Variants in KCNC1 observed in about 807,000 individuals in gnomAD.
KCNC1 encodes the protein potassium voltage-gated channel subfamily C member 1.
A neutral mutation model predicts 43.4 loss-of-function variants in KCNC1; 8 were observed. The observed-to-expected ratio is 0.18, with a 90% CI of 0.11 to 0.33. The LOEUF (loss-of-function observed/expected upper bound fraction) is 0.33, where lower values mean the gene tolerates loss of function less well. Among genes scored for constraint, KCNC1 ranks in the 10% least tolerant of loss-of-function variants. The probability of loss-of-function intolerance (pLI) is 1.00; values close to 1 mark genes in which losing one functional copy is unlikely to be tolerated. For synonymous variants in KCNC1, 361 were observed against 360.5 expected (o/e 1.00, Z -0.01); for missense variants, 420 against 836.0 (o/e 0.50, Z 6.14).
Position 17,777,899 on chromosome 11 carries a change from T to C in KCNC1, c.1505-1557T>C, listed in dbSNP as rs531588849. The C allele has an allele frequency of 9.4e-3, 8,920 of 951,444 alleles. 55 individuals carry two copies. Among genetic ancestry groups the C allele is most frequent in the Non-Finnish European group, 0.01 (8,130 of 798,448 alleles). The allele number at this position is 951,444 out of a possible 1,614,324, so 58.9% of individuals were successfully genotyped here. On this transcript the variant is annotated intron_variant, in intron 2 of 3. Coordinates refer to ENST00000265969, the MANE Select transcript of KCNC1 (RefSeq NM_001112741.2). This position sits in a 1 kb window ranked among gnomAD's most constrained non-coding sequence, Gnocchi z 4.3. Reference sequence around the variant, plus strand: ...ATCCCACCCACGTGCACGCCCAGCGTGTGCACGTGGGGAAGGATCACTTCT... The same window carrying C: ...ATCCCACCCACGTGCACGCCCAGCGCGTGCACGTGGGGAAGGATCACTTCT...
Position 17,736,256 on chromosome 11 carries a change from C to G in KCNC1, c.254C>G (p.Pro85Arg). 1 of 1,613,782 alleles carries G rather than the reference C, an allele frequency of 6.2e-7. No homozygotes were observed. Among genetic ancestry groups the G allele is most frequent in the Non-Finnish European group, 8.5e-7 (1 of 1,179,900 alleles). ...CACTGCCCAGCCGACGTGTGCGGGCCGCTCTACGAGGAGGAGCTGGCCTTC... is the reference window on the plus strand; with the variant it reads ...CACTGCCCAGCCGACGTGTGCGGGCGGCTCTACGAGGAGGAGCTGGCCTTC... Reference protein sequence around the residue: ...KLHCPADVCGPLYEEELAFWG... With the variant: ...KLHCPADVCGRLYEEELAFWG... The change falls in exon 1 of 4, where the codon CCG becomes CGG. Residue 85 changes from proline to arginine, a missense_variant. Physicochemically the swap from Pro to Arg is moderately radical, Grantham distance 103. Transcript: ENST00000265969. This position sits in a 1 kb window ranked among gnomAD's most constrained non-coding sequence, Gnocchi z 9.3.
rs1461941818 is a variant in KCNC1 at position 17,781,635 on chromosome 11, G to C, written c.1694-35G>C. 3 of 1,442,766 alleles carry C rather than the reference G, an allele frequency of 2.1e-6. No individual in the cohort carries two copies. The highest frequency in any genetic ancestry group is 2.9e-6 in the Non-Finnish European group (3 of 1,048,852). 89.4% of individuals were successfully genotyped at this position (1,442,766 alleles called of 1,614,324 possible). On this transcript the variant is annotated intron_variant, in intron 3 of 3. Transcript: ENST00000265969. This position sits in a 1 kb window ranked among gnomAD's most constrained non-coding sequence, Gnocchi z 5.1. ...AAGCGGGATGGGAGAGCCAAGAAGA[G>C]AAGCTCAAGTGTTAATTGTATTCTT...
At position 17,735,939 on chromosome 11, in the gene KCNC1, A is replaced by T; in HGVS notation, c.-64A>T. On this transcript the variant is annotated 5_prime_UTR_variant, in exon 1 of 4. Transcript: ENST00000265969. The surrounding 1 kb of genome is among the most constrained non-coding windows in gnomAD (Gnocchi z 6.7). Reference sequence around the variant, plus strand: ...GCGCGCGCCCCCCTCCCCGGCGCCAACTCCCCCTGGCGGCCGCTCCCATGG... The same window carrying T: ...GCGCGCGCCCCCCTCCCCGGCGCCATCTCCCCCTGGCGGCCGCTCCCATGG... 1 of 1,377,588 alleles carries T rather than the reference A, an allele frequency of 7.3e-7. No individual in the cohort carries two copies. Among genetic ancestry groups the T allele is most frequent in the South Asian group, 1.7e-5 (1 of 59,426 alleles). 85.3% of individuals were successfully genotyped at this position (1,377,588 alleles called of 1,614,324 possible).
intron 2 of KCNC1, chr11:17,775,194 G>C: frequency 1.0e-6 from 1 of 985,628 alleles, no homozygotes; most frequent in Non-Finnish European, 1.2e-6. Flanking sequence ...AGGCAGTCTA[G>C]TGGCCTCGCC....
In KCNC1 at chr11:17,776,484, C is replaced by T; in HGVS notation, c.1505-2972C>T. The T allele has an allele frequency of 1.0e-6, 1 of 985,466 alleles. No homozygotes were observed. The highest frequency in any genetic ancestry group is 1.2e-6 in the Non-Finnish European group (1 of 829,942). 61.0% of individuals were successfully genotyped at this position (985,466 alleles called of 1,614,324 possible). ...GACCAGGGCAGAAAAGCCAGCTGTG[C>T]TGACTGAGGGCCCAGCCTCGGGTTC... On this transcript the variant is annotated intron_variant, in intron 2 of 3. Transcript: ENST00000265969. This position sits in a 1 kb window ranked among gnomAD's most constrained non-coding sequence, Gnocchi z 4.4.
intron 1 of KCNC1, among the ~76,000 whole-genome samples, chr11:17,760,959 A>G (rs1849070965): frequency 6.6e-6 from 1 of 152,232 alleles, no homozygotes; most frequent in South Asian, 2.1e-4. Context: ...TACCAGAGTT[A>G]GGCGGGAAAG....
At chr11:17,767,288 A>G (rs1049880075) in intron 1 of KCNC1, among the ~76,000 whole-genome samples, 19 of 127,448 alleles carry the variant, frequency 1.5e-4, no homozygotes. Context: ...CCGTCTCAAA[A>G]AAAAAAAAAA....
At position 17,777,219 on chromosome 11, in the gene KCNC1, C is replaced by T; in HGVS notation, c.1505-2237C>T. 2.0e-6 allele frequency: 2 copies of T among 985,762 alleles called. No homozygotes were observed. The highest frequency in any genetic ancestry group is 9.4e-5 in the South Asian group (2 of 21,270). 61.1% of individuals were successfully genotyped at this position (985,762 alleles called of 1,614,324 possible). On this transcript the variant is annotated intron_variant, in intron 2 of 3. Transcript: ENST00000265969. The surrounding 1 kb of genome is among the most constrained non-coding windows in gnomAD (Gnocchi z 4.3). ...GCCAGAGAAGGGTCTCAGGCGGCACCATCTCCACAGAGGCAGAGGCAGAGA... is the reference window on the plus strand; with the variant it reads ...GCCAGAGAAGGGTCTCAGGCGGCACTATCTCCACAGAGGCAGAGGCAGAGA...
intron 1 of KCNC1, among the ~76,000 whole-genome samples, chr11:17,744,220 C>T (rs1848873679): frequency 6.6e-6 from 1 of 152,156 alleles, no homozygotes; most frequent in Non-Finnish European, 1.5e-5. Flanking sequence ...CCAACTCTGA[C>T]ATTCTGGGAG....
chr11:17,768,734 C>T (rs757003995), intron 1 of KCNC1, among the ~76,000 whole-genome samples: 1 of 151,978 alleles, frequency 6.6e-6, no homozygotes, highest in Non-Finnish European at 1.5e-5. Context: ...CTCTTGGCAC[C>T]GTTCGGTCAT....
intron 1 of KCNC1, among the ~76,000 whole-genome samples, chr11:17,757,565 G>T (rs1170600329): frequency 4.6e-5 from 7 of 152,170 alleles, no homozygotes; most frequent in African/African-American, 9.7e-5. Context: ...CTGTCTCAGG[G>T]TCACTGCAGA....
At chr11:17,749,996 G>A (rs909432714) in intron 1 of KCNC1, among the ~76,000 whole-genome samples, 2 of 152,248 alleles carry the variant, frequency 1.3e-5, no homozygotes, top group African/African-American at 4.8e-5. Flanking sequence ...CAAGGGGAGT[G>A]TAGGGAGGGG....
At chr11:17,767,163 G>A (rs1406227891) in intron 1 of KCNC1, among the ~76,000 whole-genome samples, 4 of 150,718 alleles carry the variant, frequency 2.7e-5, no homozygotes, top group African/African-American at 9.8e-5. Flanking sequence ...GGCTGTGGTG[G>A]TGCACACTTA....
chr11:17,779,457 T>A lies in KCNC1; in HGVS notation c.1506T>A (p.Asp502Glu). ...TAGCTTCTGCTTATATGTTTGAAGA[T>A]TCCAAACTGAATGGGGAGGTGGCGA... is the stretch of plus-strand genomic sequence containing the variant. ...QEEILEINRADSKLNGEVAKA... is the reference protein window; with the variant it reads ...QEEILEINRAESKLNGEVAKA... Residue 502 changes from aspartate (D) to glutamate (E), a missense_variant and splice_region_variant, in exon 3 of 4, where the codon GAT (aspartate) becomes GAA (glutamate). Transcript: ENST00000265969. This position sits in a 1 kb window ranked among gnomAD's most constrained non-coding sequence, Gnocchi z 7.2. The A allele has an allele frequency of 6.5e-7, 1 of 1,543,798 alleles. No homozygotes were observed. Among genetic ancestry groups the A allele is most frequent in the Non-Finnish European group, 8.7e-7 (1 of 1,143,818 alleles).
chr11:17,747,360 G>A (rs528057406), intron 1 of KCNC1, among the ~76,000 whole-genome samples: 11 of 152,332 alleles, frequency 7.2e-5, no homozygotes, highest in South Asian at 2.1e-4. Context: ...TGGAACGTCC[G>A]CCTGCCAGGG....
intron 1 of KCNC1, among the ~76,000 whole-genome samples, chr11:17,759,264 T>G (rs1849052034): frequency 6.6e-6 from 1 of 152,254 alleles, no homozygotes; most frequent in African/African-American, 2.4e-5. Context: ...CTTCCTAGAA[T>G]TCAAGAGAGT....
At chr11:17,764,835 C>A (rs970983596) in intron 1 of KCNC1, among the ~76,000 whole-genome samples, 1 of 152,154 alleles carries the variant, frequency 6.6e-6, no homozygotes, top group African/African-American at 2.4e-5. Flanking sequence ...TCCCGGCCCG[C>A]GGAAGTCCAG....
chr11:17,758,566 T>C (rs891528958), intron 1 of KCNC1, among the ~76,000 whole-genome samples: 1 of 152,212 alleles, frequency 6.6e-6, no homozygotes, highest in African/African-American at 2.4e-5. Context: ...TTAAAGAATA[T>C]GACTTGAAAG....
At chr11:17,772,907 G>C (rs1250443135) in intron 2 of KCNC1, 6 of 1,238,546 alleles carry the variant, frequency 4.8e-6, no homozygotes, top group South Asian at 5.2e-5. Flanking sequence ...AGCCAGGGGG[G>C]CTCTGCTTGG....
Sources: allele counts gnomAD v4.1 joint callset (sites outside exome capture counted in the v4.1 genomes callset), GRCh38; gene constraint gnomAD v4.1.1; non-coding constraint Gnocchi (gnomAD v3.1); transcripts MANE v1.5; gene names NCBI Gene and HGNC (gene_info 2026-07-23, HGNC 2026-07-21).